ZBBX: variants seen among roughly 807,000 people sequenced by gnomAD.
ZBBX encodes zinc finger B-box domain-containing protein 1.
Under a neutral mutation model 108.5 loss-of-function variants are expected in ZBBX, and 101 were observed. The observed-to-expected ratio is 0.93, with a 90% CI of 0.79 to 1.10. The LOEUF is 1.10. ZBBX is among the 50% of genes least tolerant of loss of function. The pLI is 0.00. For synonymous variants in ZBBX, 356 were observed against 323.4 expected (o/e 1.10, Z -1.08); for missense variants, 1,009 against 941.4 (o/e 1.07, Z -0.94).
upstream of ZBBX, among the ~76,000 whole-genome samples, chr3:167,381,043 T>G (rs1442058825): frequency 6.6e-6 from 1 of 152,136 alleles, no homozygotes; most frequent in Non-Finnish European, 1.5e-5. Context: ...GGTACTGCAC[T>G]GTATAGGCTT....
rs925622831 is a variant in ZBBX at position 167,375,381 on chromosome 3, C to T, written c.-131-1594G>A. Among the ~76,000 whole-genome samples, 9 of 152,218 alleles carry T rather than the reference C, an allele frequency of 5.9e-5. No homozygotes were observed. In the East Asian group the frequency reaches 1.5e-3, roughly 26 times the overall value. On this transcript the variant is annotated intron_variant, in intron 2 of 21. Transcript: ENST00000675490. Reference sequence around the variant, plus strand: ...CCAAGGTGGGCAGATGACTTGAGGTCAGGAGTTCGAGACCAGCCTGACTAA... The same window carrying T: ...CCAAGGTGGGCAGATGACTTGAGGTTAGGAGTTCGAGACCAGCCTGACTAA...
chr3:167,368,641 C>G, intron 4 of ZBBX, 67 bp from the exon 5 acceptor site: 1 of 1,381,750 alleles, frequency 7.2e-7, no homozygotes, highest in Non-Finnish European at 9.6e-7. Flanking sequence ...TTTATATAAT[C>G]TTTTCCTGTT....
intron 4 of ZBBX, among the ~76,000 whole-genome samples, chr3:167,370,554 C>A (rs13093711): frequency 6.6e-6 from 1 of 152,080 alleles, no homozygotes; most frequent in Non-Finnish European, 1.5e-5. Context: ...AGACTTCTGA[C>A]GTTTTTGAAG....
At chr3:167,222,248 C>CA in the ZBBX span, among the ~76,000 whole-genome samples, 4 of 150,680 alleles carry the variant, frequency 2.7e-5, no homozygotes, top group Admixed American at 6.6e-5. Context: ...GAGATTCTAT[C>CA]ATTTACAACA....
intron 9 of ZBBX, among the ~76,000 whole-genome samples, chr3:167,346,416 A>G (rs1741462257): frequency 6.6e-6 from 1 of 151,894 alleles, no homozygotes; most frequent in Non-Finnish European, 1.5e-5. Flanking sequence ...AAGTAAAACA[A>G]GGTATGCTGA....
intron 1 of ZBBX, among the ~76,000 whole-genome samples, chr3:167,393,761 C>A (rs936064317): frequency 6.6e-6 from 1 of 151,860 alleles, no homozygotes; most frequent in African/African-American, 2.4e-5. Flanking sequence ...AATTATCTCA[C>A]TTCTATTTTA....
chr3:167,319,564 AG>A (rs924718961), intron 12 of ZBBX, among the ~76,000 whole-genome samples: 19 of 152,012 alleles, frequency 1.2e-4, no homozygotes, highest in Non-Finnish European at 4.4e-5. Flanking sequence ...ACCTTAAAGG[AG>A]GTAAGAAATA....
intron 20 of ZBBX, among the ~76,000 whole-genome samples, chr3:167,246,543 G>C (rs1005586880): frequency 2.0e-5 from 3 of 151,850 alleles, no homozygotes; most frequent in African/African-American, 7.3e-5. Flanking sequence ...CTTTTACTTG[G>C]GTCAGTTAAT....
At chr3:167,214,398 G>A in the ZBBX span, among the ~76,000 whole-genome samples, 1 of 152,048 alleles carries the variant, frequency 6.6e-6, no homozygotes, top group East Asian at 1.9e-4. Context: ...AAAGACAAAG[G>A]ACATCACATA....
intron 20 of ZBBX, among the ~76,000 whole-genome samples, chr3:167,250,870 TCCAAGA>T (rs1722472928): frequency 6.6e-6 from 1 of 152,108 alleles, no homozygotes; most frequent in Admixed American, 6.5e-5. Flanking sequence ...TGTTGCATTT[TCCAAGA>T]CCACTCTGGC....
At chr3:167,307,139 A>C (rs567284689) in intron 16 of ZBBX, among the ~76,000 whole-genome samples, 1 of 152,000 alleles carries the variant, frequency 6.6e-6, no homozygotes, top group Non-Finnish European at 1.5e-5. Context: ...TCAAAATAAT[A>C]AGAACCATAT....
chr3:167,261,883 C>T (rs934179110), intron 20 of ZBBX, among the ~76,000 whole-genome samples: 1 of 151,374 alleles, frequency 6.6e-6, no homozygotes, highest in South Asian at 2.1e-4. Flanking sequence ...GGACAGAAGG[C>T]TTCCCACCCC....
At position 167,359,892 on chromosome 3, in the gene ZBBX, C is replaced by T; in HGVS notation, c.410G>A (p.Cys137Tyr). The change falls in exon 8 of 22, where the codon TGT (cysteine) becomes TAT (tyrosine). Residue 137 changes from cysteine to tyrosine, a missense_variant. Physicochemically the swap from Cys to Tyr is radical, Grantham distance 194 (BLOSUM62 -2). Transcript: ENST00000675490. Reference protein sequence around the residue: ...PKINGKVCGQCENKAALLVCL... With the variant: ...PKINGKVCGQYENKAALLVCL... The stretch of plus-strand genomic sequence containing the variant: ...TACCAGTAGAGCAGCTTTGTTCTCA[C>T]ACTGTCCACATACTTTCCCATTTAT... The T allele has an allele frequency of 1.3e-6, 2 of 1,551,190 alleles. No individual in the cohort carries two copies. The highest frequency in any genetic ancestry group is 1.8e-6 in the Non-Finnish European group (2 of 1,141,312).
At chr3:167,178,853 C>T in the ZBBX span, among the ~76,000 whole-genome samples, 9 of 152,108 alleles carry the variant, frequency 5.9e-5, no homozygotes, top group African/African-American at 9.7e-5. Flanking sequence ...TAGATTCAAT[C>T]GCATATGTGG....
chr3:167,245,604 T>A (rs1157467610), intron 20 of ZBBX, among the ~76,000 whole-genome samples: 3 of 152,048 alleles, frequency 2.0e-5, no homozygotes, highest in Non-Finnish European at 4.4e-5. Context: ...GGTGACATGA[T>A]CATGGGAGAA....
chr3:167,328,441 G>A (rs531146422), intron 10 of ZBBX, among the ~76,000 whole-genome samples: 1 of 151,530 alleles, frequency 6.6e-6, no homozygotes, highest in African/African-American at 2.4e-5. Context: ...TTCTCCCTAC[G>A]CCTCCAATCT....
the ZBBX span, among the ~76,000 whole-genome samples, chr3:167,229,814 G>C: frequency 6.6e-6 from 1 of 151,910 alleles, no homozygotes; most frequent in South Asian, 2.1e-4. Context: ...TGCAGAAGAT[G>C]TATTTAAACA....
At chr3:167,350,770 T>C (rs1019070377) in intron 8 of ZBBX, among the ~76,000 whole-genome samples, 1 of 152,060 alleles carries the variant, frequency 6.6e-6, no homozygotes, top group South Asian at 2.1e-4. Flanking sequence ...TAAATGTAGT[T>C]TTAATGTAGG....
chr3:167,358,871 G>T (rs987794115), intron 8 of ZBBX, among the ~76,000 whole-genome samples: 7 of 149,696 alleles, frequency 4.7e-5, no homozygotes, highest in Non-Finnish European at 8.9e-5. Context: ...TGGAGGCGGA[G>T]GTTGCAGTGA....
Sources: allele counts gnomAD v4.1 joint callset (sites outside exome capture counted in the v4.1 genomes callset), GRCh38; gene constraint gnomAD v4.1.1; transcripts MANE v1.5; gene names NCBI Gene and HGNC (gene_info 2026-07-23, HGNC 2026-07-21).